Variants in EYS observed in about 807,000 individuals in gnomAD.
EYS encodes the protein EGF-like photoreceptor maintenance factor.
EYS carries 250 observed loss-of-function variants against 282.1 expected under a neutral mutation model. The observed-to-expected ratio is 0.89, with a 90% CI of 0.80 to 0.98. The LOEUF (loss-of-function observed/expected upper bound fraction) is 0.98. Ranked by LOEUF, EYS falls within the 50% of genes least tolerant of loss-of-function variation. The pLI, the probability that EYS is intolerant of heterozygous loss-of-function variation, is 0.00. For missense variants in EYS, 4,016 were observed against 3,709.0 expected (o/e 1.08, Z -2.15); for synonymous variants, 1,355 against 1,282.9 (o/e 1.06, Z -1.20).
At chr6:64,741,065 G>C (rs910842245) in intron 22 of EYS, among the ~76,000 whole-genome samples, 1 of 152,082 alleles carries the variant, frequency 6.6e-6, no homozygotes, top group Non-Finnish European at 1.5e-5. Context: ...GAAGGTTTTT[G>C]ATTGACTTTG....
chr6:64,705,572 C>A (rs1195739388), intron 22 of EYS, among the ~76,000 whole-genome samples: 4 of 151,694 alleles, frequency 2.6e-5, no homozygotes, highest in Admixed American at 2.0e-4. Flanking sequence ...GACTTGGAAC[C>A]AACCCAAATG....
rs547162996 is a variant in EYS at position 64,023,548 on chromosome 6, C to T, written c.6726-24365G>A. On this transcript the variant is annotated intron_variant, in intron 33 of 42. Transcript: ENST00000503581. ...CGATTTTTCCACAGCTTCACCAACA[C>T]TTGTTATTTTTCTTTTTTTAAATAA... Among the ~76,000 whole-genome samples, 41 of 152,344 alleles carry T rather than the reference C, an allele frequency of 2.7e-4. No individual in the cohort carries two copies. The South Asian group carries it at 7.4e-3, about 28-fold the overall frequency.
chr6:65,371,741 C>CTCTG (rs1335075948), intron 8 of EYS, among the ~76,000 whole-genome samples: 911 of 70,180 alleles, frequency 0.013, 2 homozygotes, highest in East Asian at 0.028. Context: ...CTCTCTCTCT[C>CTCTG]TGTGTGTGTG....
intron 29 of EYS, among the ~76,000 whole-genome samples, chr6:64,365,123 C>T (rs1772144995): frequency 6.6e-6 from 1 of 151,586 alleles, no homozygotes; most frequent in African/African-American, 2.4e-5. Flanking sequence ...AATAATGACA[C>T]ACAAAAGATT....
At chr6:64,242,533 C>A (rs1766869051) in intron 30 of EYS, among the ~76,000 whole-genome samples, 1 of 151,992 alleles carries the variant, frequency 6.6e-6, no homozygotes. Context: ...TAGCTCCTGT[C>A]ATCCTCTAAT....
At chr6:64,474,602 C>T (rs756438599) in intron 26 of EYS, among the ~76,000 whole-genome samples, 2 of 152,108 alleles carry the variant, frequency 1.3e-5, no homozygotes, top group Non-Finnish European at 2.9e-5. Context: ...ATATTGATGG[C>T]CATGGTGAAT....
chr6:64,553,965 C>G (rs1319140867), intron 26 of EYS, among the ~76,000 whole-genome samples: 1 of 151,930 alleles, frequency 6.6e-6, no homozygotes, highest in Non-Finnish European at 1.5e-5. Flanking sequence ...TGCCTTCTTA[C>G]AATTATCTTA....
chr6:63,789,124 G>C lies in EYS; in HGVS notation c.7512C>G (p.Pro2504=), dbSNP rs1283334032. Residue 2504 remains proline, a synonymous_variant, in exon 38 of 43, where the codon CCC becomes CCG. Transcript: ENST00000503581. The stretch of plus-strand genomic sequence containing the variant: ...TGTGGACTCCAAGGCTCAGATTGAG[G>C]GGCTCGCTCCTGATGCTTGCTATGC... ...GSGIASIRSE[P]LNLSLGVHTV... is the part of the protein sequence containing the mutation. 6.4e-7 allele frequency: 1 copy of C among 1,551,642 alleles called. No individual in the cohort carries two copies. Among genetic ancestry groups the C allele is most frequent in the East Asian group, 2.4e-5 (1 of 40,916 alleles).
chr6:65,459,393 G>A (rs1764737394), intron 5 of EYS, among the ~76,000 whole-genome samples: 1 of 151,938 alleles, frequency 6.6e-6, no homozygotes, highest in South Asian at 2.1e-4. Flanking sequence ...TTTTGCACAG[G>A]TAAGCAGAGT....
At chr6:65,331,387 C>G in intron 11 of EYS, 1 of 780,186 alleles carries the variant, frequency 1.3e-6, no homozygotes, top group Non-Finnish European at 1.6e-6. Context: ...TTTTTTAATT[C>G]TAAACATTTT....
chr6:65,693,258 T>G (rs1769311367), intron 1 of EYS, among the ~76,000 whole-genome samples: 2 of 149,774 alleles, frequency 1.3e-5, no homozygotes, highest in South Asian at 4.3e-4. Flanking sequence ...TTCTCCCATT[T>G]TTCTCCTTAT....
chr6:63,804,504 G>A (rs1041235263), intron 37 of EYS, among the ~76,000 whole-genome samples: 4 of 152,230 alleles, frequency 2.6e-5, no homozygotes, highest in Non-Finnish European at 5.9e-5. Context: ...AGTCTCTAGA[G>A]CCTGCTCCCT....
chr6:65,031,198 C>T (rs1336635590), intron 13 of EYS, among the ~76,000 whole-genome samples: 4 of 150,366 alleles, frequency 2.7e-5, no homozygotes, highest in Non-Finnish European at 5.9e-5. Context: ...CACATATACA[C>T]ACACCCAACA....
intron 12 of EYS, among the ~76,000 whole-genome samples, chr6:65,189,138 T>C (rs991961422): frequency 4.0e-5 from 6 of 151,678 alleles, no homozygotes; most frequent in Non-Finnish European, 7.4e-5. Context: ...AAAAAGGTAA[T>C]GTGAAAATTT....
chr6:63,803,643 T>A (rs568926652), intron 37 of EYS, among the ~76,000 whole-genome samples: 42 of 152,244 alleles, frequency 2.8e-4, no homozygotes, highest in Admixed American at 6.5e-5. Flanking sequence ...TTAGGAATCC[T>A]TGTGAAGCTC....
chr6:63,828,650 A>G (rs1170316531), intron 36 of EYS, among the ~76,000 whole-genome samples: 1 of 152,322 alleles, frequency 6.6e-6, no homozygotes, highest in Non-Finnish European at 1.5e-5. Flanking sequence ...CTATCAAAAA[A>G]TGGGCTAAGG....
intron 31 of EYS, among the ~76,000 whole-genome samples, chr6:64,112,231 TA>T (rs1773226479): frequency 6.6e-6 from 1 of 152,072 alleles, no homozygotes; most frequent in Non-Finnish European, 1.5e-5. Context: ...GGGATTTTAA[TA>T]ATCATTTTCT....
intron 30 of EYS, among the ~76,000 whole-genome samples, chr6:64,262,699 T>C (rs1767629017): frequency 6.6e-6 from 1 of 152,076 alleles, no homozygotes; most frequent in Non-Finnish European, 1.5e-5. Flanking sequence ...TTTGTTATCT[T>C]AAAGGTAAGC....
chr6:63,826,845 C>CAAAAAAAAAAAAAAAAAAAAAGAAAAAAA (rs59957107), intron 36 of EYS, among the ~76,000 whole-genome samples: 1 of 76,762 alleles, frequency 1.3e-5, no homozygotes, highest in Non-Finnish European at 2.5e-5. Context: ...AGTTAAAAAG[C>CAAAAAAAAAAAAAAAAAAAAAGAAAAAAA]AAAAAAAAAA....
Sources: gnomAD v4.1 joint callset for allele counts (sites outside exome capture counted in the v4.1 genomes callset) on GRCh38, gnomAD v4.1.1 for gene constraint, MANE v1.5 for transcripts, NCBI Gene and HGNC (gene_info 2026-07-23, HGNC 2026-07-21) for gene names.